AGPAT3: variants seen among roughly 807,000 people sequenced by gnomAD.
AGPAT3 encodes 1-acylglycerol-3-phosphate O-acyltransferase 3, also known as 1-acyl-sn-glycerol-3-phosphate acyltransferase gamma.
AGPAT3 carries 5 observed loss-of-function variants against 47.3 expected under a neutral mutation model. The ratio of observed to expected loss-of-function variants is 0.11; its 90% CI spans 0.06 to 0.22. The LOEUF (loss-of-function observed/expected upper bound fraction) is 0.22. Among genes scored for constraint, AGPAT3 ranks in the 10% least tolerant of loss-of-function variants. AGPAT3 has a pLI of 1.00. For missense variants in AGPAT3, 315 were observed against 493.0 expected (o/e 0.64, Z 3.42); for synonymous variants, 212 against 208.3 (o/e 1.02, Z -0.15).
In AGPAT3 at chr21:43,969,012, C is replaced by G. The variant is rs1024744330; in HGVS notation, c.349-106C>G. 12 of 1,272,380 alleles carry G rather than the reference C, an allele frequency of 9.4e-6. No homozygotes were observed. In the African/African-American group the frequency reaches 1.8e-4, roughly 19 times the overall value. 78.8% of individuals were successfully genotyped at this position (1,272,380 alleles called of 1,614,324 possible). A position where few individuals can be genotyped will look rare whatever the true frequency, so the allele number is the denominator to read the frequency against. On this transcript the variant is annotated intron_variant, in intron 4 of 9. Transcript: ENST00000291572. ...CCCCCTGAGCCACAAAGCCGTGACT[C>G]CTAGAGCGACACCACACAGGAGCTG...
At position 43,987,145 on chromosome 21, in the gene AGPAT3, G is replaced by A. The variant is rs955003591; in HGVS notation, c.*4753G>A. 6.6e-5 allele frequency among the ~76,000 whole-genome samples: 10 copies of A among 152,246 alleles called. No homozygotes were observed. Among genetic ancestry groups the A allele is most frequent in the African/African-American group, 1.9e-4 (8 of 41,454 alleles). On this transcript the variant is annotated 3_prime_UTR_variant, in exon 10 of 10. Transcript: ENST00000291572. The stretch of plus-strand genomic sequence containing the variant: ...CCACAATATAAGAGAAAGCGACTCC[G>A]TGCCTCCTTCTGTTTCTTCGTTTCC...
intron 1 of AGPAT3, among the ~76,000 whole-genome samples, chr21:43,895,726 C>T (rs904478758): frequency 5.3e-5 from 8 of 152,006 alleles, no homozygotes; most frequent in African/African-American, 9.7e-5. Flanking sequence ...TATGGGATTA[C>T]AGGCAACCGC....
chr21:43,964,576 A>T (rs1331540396), intron 3 of AGPAT3, among the ~76,000 whole-genome samples: 1 of 152,334 alleles, frequency 6.6e-6, no homozygotes, highest in Middle Eastern at 3.4e-3. Context: ...TTAGAAAAAG[A>T]TAAAGAAAAA....
chr21:43,871,267 C>T (rs2085618542), intron 1 of AGPAT3, among the ~76,000 whole-genome samples: 1 of 152,162 alleles, frequency 6.6e-6, no homozygotes, highest in South Asian at 2.1e-4. Context: ...GAATCATTGC[C>T]TCTGTCTCAG....
chr21:43,907,460 G>A (rs1368556350), intron 2 of AGPAT3, among the ~76,000 whole-genome samples: 2 of 152,202 alleles, frequency 1.3e-5, no homozygotes, highest in Non-Finnish European at 1.5e-5. Flanking sequence ...GCTCACACCT[G>A]TAATCCCAGG....
intron 5 of AGPAT3, among the ~76,000 whole-genome samples, chr21:43,969,813 T>C (rs1487994733): frequency 6.6e-6 from 1 of 152,144 alleles, no homozygotes; most frequent in African/African-American, 2.4e-5. Flanking sequence ...TTCTCCTGCT[T>C]CAGGCTCCCA....
intron 2 of AGPAT3, among the ~76,000 whole-genome samples, chr21:43,921,110 C>G (rs1352568102): frequency 6.6e-6 from 1 of 152,052 alleles, no homozygotes; most frequent in African/African-American, 2.4e-5. Context: ...AAGACTCTGC[C>G]TCAAAAAAAC....
intron 7 of AGPAT3, 44 bp downstream of exon 7, chr21:43,971,534 C>G: frequency 6.3e-7 from 1 of 1,587,026 alleles, no homozygotes; most frequent in Non-Finnish European, 8.7e-7. Flanking sequence ...CCCATACCTT[C>G]ATGAGCTTGC....
intron 1 of AGPAT3, among the ~76,000 whole-genome samples, chr21:43,882,085 CCACTGCAGGGGCAGA>C (rs1213891472): frequency 6.6e-6 from 1 of 152,266 alleles, no homozygotes; most frequent in Non-Finnish European, 1.5e-5. Context: ...AGGGTCTAAG[CCACTGCAGGGGCAGA>C]CCCTTGTCCC....
Position 43,908,548 on chromosome 21 carries a change from A to C in AGPAT3, c.-49+4529A>C, listed in dbSNP as rs1490537744. Among the ~76,000 whole-genome samples the C allele has an allele frequency of 6.6e-6, 1 of 152,182 alleles. No individual in the cohort carries two copies. Among genetic ancestry groups the C allele is most frequent in the Non-Finnish European group, 1.5e-5 (1 of 68,030 alleles). ...ACAGGAGCCCAGCTCTTGCATAGAC[A>C]GAAGGTGAGGGCATGGGGTAGGGGG... On this transcript the variant is annotated intron_variant, in intron 2 of 9. Transcript: ENST00000291572. This position sits in a 1 kb window ranked among gnomAD's most constrained non-coding sequence, Gnocchi z 4.9.
At chr21:43,949,521 C>T (rs2088079653) in intron 2 of AGPAT3, among the ~76,000 whole-genome samples, 2 of 152,232 alleles carry the variant, frequency 1.3e-5, no homozygotes. Context: ...CTTGGAAGTC[C>T]TGTGACACCA....
rs2089888967 is a variant in AGPAT3, at chr21:43,982,459, A to G, written c.*67A>G. The G allele has an allele frequency of 1.7e-6, 2 of 1,152,852 alleles. No individual in the cohort carries two copies. Among genetic ancestry groups the G allele is most frequent in the Admixed American group, 1.9e-5 (1 of 53,442 alleles). The allele number at this position is 1,152,852 out of a possible 1,614,324, so 71.4% of individuals were successfully genotyped here. ...TCCAGTTAACTCAAAACCAACACAC[A>G]GAGTGCAGGAAAAGACAATTAGAAA... On this transcript the variant is annotated 3_prime_UTR_variant, in exon 10 of 10. Coordinates refer to ENST00000291572, the MANE Select transcript of AGPAT3 (RefSeq NM_020132.5). The surrounding 1 kb of genome is among the most constrained non-coding windows in gnomAD (Gnocchi z 6.2).
intron 1 of AGPAT3, among the ~76,000 whole-genome samples, chr21:43,882,886 C>A (rs1223280663): frequency 1.3e-5 from 2 of 152,192 alleles, no homozygotes; most frequent in Non-Finnish European, 2.9e-5. Context: ...CAACTGCTGG[C>A]CACCAAGCAG....
rs536207669 is a variant in AGPAT3, at chr21:43,934,409, C to T, written c.-48-25225C>T. ...GAGGCTCCGCAAGTCCCCAGGCCGTCGGCTGCCTGGCCCTGGCCTGCGTGG... is the reference window on the plus strand; with the variant it reads ...GAGGCTCCGCAAGTCCCCAGGCCGTTGGCTGCCTGGCCCTGGCCTGCGTGG... On this transcript the variant is annotated intron_variant, in intron 2 of 9. Coordinates refer to ENST00000291572, the MANE Select transcript of AGPAT3 (RefSeq NM_020132.5). The surrounding 1 kb of genome is among the most constrained non-coding windows in gnomAD (Gnocchi z 4.7). Among the ~76,000 whole-genome samples, 2 of 152,366 alleles carry T rather than the reference C, an allele frequency of 1.3e-5. No homozygotes were observed. The highest frequency in any genetic ancestry group is 2.1e-4 in the South Asian group (1 of 4,824).
Position 43,880,157 on chromosome 21 carries a change from T to A in AGPAT3, c.-112+14812T>A, listed in dbSNP as rs147096178. ...AGTTGGCACTGGCCTTTTGCACCCA[T>A]GAAATTGATGTTTGTCTGTGGCCTC... is the stretch of plus-strand genomic sequence containing the variant. On this transcript the variant is annotated intron_variant, in intron 1 of 9. Transcript: ENST00000291572. This position sits in a 1 kb window ranked among gnomAD's most constrained non-coding sequence, Gnocchi z 4.5. 3.0e-3 allele frequency among the ~76,000 whole-genome samples: 462 copies of A among 152,266 alleles called. 3 individuals carry two copies. Among genetic ancestry groups the A allele is most frequent in the Non-Finnish European group, 5.1e-3 (350 of 67,984 alleles).
intron 2 of AGPAT3, chr21:43,950,843 G>A (rs1243003378): frequency 2.0e-5 from 3 of 152,294 alleles, no homozygotes; most frequent in Admixed American, 2.0e-4. Flanking sequence ...CGGGAGGAAG[G>A]AGGACCCAAT....
Position 43,970,812 on chromosome 21 carries a change from C to T in AGPAT3, c.664+6C>T. On this transcript the variant is annotated splice_donor_region_variant and intron_variant, in intron 6 of 9. Coordinates refer to ENST00000291572, the MANE Select transcript of AGPAT3 (RefSeq NM_020132.5). The surrounding 1 kb of genome is among the most constrained non-coding windows in gnomAD (Gnocchi z 5.8). ...CAAGTGCCTCCGGGGGACAGGTAGGCCCCAGACTGCCCGAGCCGGGGCCAC... is the reference window on the plus strand; with the variant it reads ...CAAGTGCCTCCGGGGGACAGGTAGGTCCCAGACTGCCCGAGCCGGGGCCAC... 1 of 1,541,884 alleles carries T rather than the reference C, an allele frequency of 6.5e-7. No individual in the cohort carries two copies. The highest frequency in any genetic ancestry group is 8.8e-7 in the Non-Finnish European group (1 of 1,139,962).
intron 4 of AGPAT3, 46 bp downstream of exon 4, chr21:43,968,161 G>A (rs964786663): frequency 1.5e-5 from 24 of 1,600,838 alleles, no homozygotes; most frequent in East Asian, 6.7e-5. Flanking sequence ...GGAGGGTCCC[G>A]GGGAGGGCCG....
chr21:43,932,104 C>T lies in AGPAT3; in HGVS notation c.-48-27530C>T, dbSNP rs751908365. On this transcript the variant is annotated intron_variant, in intron 2 of 9. Transcript: ENST00000291572. This position sits in a 1 kb window ranked among gnomAD's most constrained non-coding sequence, Gnocchi z 5.2. ...AACATAGCTATCAGCTCACCAACATCGTTTTTGGTGGTGTGGATGTTAAAA... is the reference window on the plus strand; with the variant it reads ...AACATAGCTATCAGCTCACCAACATTGTTTTTGGTGGTGTGGATGTTAAAA... Among the ~76,000 whole-genome samples the T allele has an allele frequency of 2.0e-5, 3 of 152,140 alleles. No homozygotes were observed. Among genetic ancestry groups the T allele is most frequent in the East Asian group, 1.9e-4 (1 of 5,196 alleles).
Sources: gnomAD v4.1 joint callset for allele counts (sites outside exome capture counted in the v4.1 genomes callset) on GRCh38, gnomAD v4.1.1 for gene constraint, Gnocchi (gnomAD v3.1) non-coding constraint, MANE v1.5 for transcripts, NCBI Gene and HGNC (gene_info 2026-07-23, HGNC 2026-07-21) for gene names.